SLC39A11: variants seen among roughly 807,000 people sequenced by gnomAD.
The protein encoded by SLC39A11 is zinc transporter ZIP11.
SLC39A11 carries 33 observed loss-of-function variants against 36.1 expected under a neutral mutation model. That is an observed-to-expected ratio of 0.91 (90% CI 0.69 to 1.22). The LOEUF (loss-of-function observed/expected upper bound fraction) is 1.22, where lower values mean the gene tolerates loss of function less well. Ranked by LOEUF, SLC39A11 falls within the 50% of genes most tolerant of loss-of-function variation. The pLI is 0.00. For missense variants in SLC39A11, 432 were observed against 430.3 expected, an observed-to-expected ratio of 1.00 and a Z score of -0.03; for synonymous variants, 166 against 170.3, an observed-to-expected ratio of 0.97 and a Z score of 0.20.
intron 7 of SLC39A11, among the ~76,000 whole-genome samples, chr17:72,723,937 T>G (rs1443718908): frequency 6.6e-6 from 1 of 152,166 alleles, no homozygotes; most frequent in Non-Finnish European, 1.5e-5. Context: ...GGGATTGTAT[T>G]TGTCAGCACA....
At chr17:72,919,230 C>T (rs566768241) in intron 5 of SLC39A11, among the ~76,000 whole-genome samples, 2 of 151,532 alleles carry the variant, frequency 1.3e-5, no homozygotes, top group South Asian at 4.2e-4. Context: ...AAGAGTGTGC[C>T]GAAAGACAGT....
intron 6 of SLC39A11, among the ~76,000 whole-genome samples, chr17:72,845,151 A>T (rs764081881): frequency 1.3e-5 from 2 of 152,208 alleles, no homozygotes; most frequent in Non-Finnish European, 2.9e-5. Flanking sequence ...GTCCCATCTC[A>T]ATTCAGTATC....
At chr17:72,832,690 C>A (rs188899324) in intron 6 of SLC39A11, among the ~76,000 whole-genome samples, 7 of 152,128 alleles carry the variant, frequency 4.6e-5, no homozygotes, top group African/African-American at 1.4e-4. Context: ...TGGTTATTTG[C>A]AGAAAACTAG....
intron 4 of SLC39A11, among the ~76,000 whole-genome samples, chr17:73,004,116 GAGAA>G (rs1372752106): frequency 2.1e-4 from 30 of 140,740 alleles, no homozygotes; most frequent in Non-Finnish European, 2.6e-4. Context: ...GAGAGAGAGA[GAGAA>G]AGAAAGAAAG....
At chr17:72,702,608 A>G (rs2072701809) in intron 7 of SLC39A11, among the ~76,000 whole-genome samples, 1 of 152,110 alleles carries the variant, frequency 6.6e-6, no homozygotes, top group Admixed American at 6.5e-5. Context: ...GGTCCATGGG[A>G]GAGTATGGGA....
In SLC39A11 at chr17:72,757,179, T is replaced by TAAATA. The variant is rs563144269; in HGVS notation, c.602-20465_602-20461dup. ...AAACTCCGTCTCAATAAATAAATAA[T>TAAATA]AAATAAAATAAAATAAAATAAAAAG... On this transcript the variant is annotated intron_variant, in intron 6 of 9. Transcript: ENST00000255559. 6.7e-3 allele frequency among the ~76,000 whole-genome samples: 1,014 copies of TAAATA among 151,214 alleles called. 5 individuals are homozygous for TAAATA. The highest frequency in any genetic ancestry group is 0.019 in the South Asian group (89 of 4,778).
At chr17:72,892,722 T>C (rs1029225052) in intron 5 of SLC39A11, among the ~76,000 whole-genome samples, 5 of 152,152 alleles carry the variant, frequency 3.3e-5, no homozygotes, top group African/African-American at 7.2e-5. Context: ...GCAGAAACAA[T>C]TGGTCCACAA....
intron 3 of SLC39A11, among the ~76,000 whole-genome samples, chr17:73,081,630 C>T (rs200652316): frequency 0.021 from 560 of 26,866 alleles, 1 homozygote; most frequent in African/African-American, 0.043. Context: ...TATATATATA[C>T]ATACACACAC....
intron 7 of SLC39A11, among the ~76,000 whole-genome samples, chr17:72,705,971 G>C (rs986730221): frequency 5.9e-5 from 9 of 152,044 alleles, no homozygotes; most frequent in African/African-American, 2.2e-4. Context: ...TTATTCCAAG[G>C]CCCCCAGAAA....
chr17:72,806,527 GC>G (rs1415835520), intron 6 of SLC39A11, among the ~76,000 whole-genome samples: 3 of 152,120 alleles, frequency 2.0e-5, no homozygotes, highest in Non-Finnish European at 4.4e-5. Flanking sequence ...CACTTAGGGG[GC>G]CTTCCCACTC....
At chr17:72,967,201 C>T (rs1294346527) in intron 4 of SLC39A11, among the ~76,000 whole-genome samples, 1 of 152,108 alleles carries the variant, frequency 6.6e-6, no homozygotes, top group Admixed American at 6.6e-5. Context: ...GTGTAATATG[C>T]TTGAATCATC....
chr17:72,770,665 G>A (rs2075901702), intron 6 of SLC39A11, among the ~76,000 whole-genome samples: 1 of 152,164 alleles, frequency 6.6e-6, no homozygotes. Flanking sequence ...CTTGGAATCT[G>A]CTTCTCAGAG....
At chr17:73,008,040 G>A (rs562341539) in intron 4 of SLC39A11, among the ~76,000 whole-genome samples, 1 of 151,006 alleles carries the variant, frequency 6.6e-6, no homozygotes, top group Non-Finnish European at 1.5e-5. Flanking sequence ...GAGGTAGAAG[G>A]TGCAGCAAGC....
At chr17:73,022,950 A>G (rs967219936) in intron 4 of SLC39A11, among the ~76,000 whole-genome samples, 1 of 152,148 alleles carries the variant, frequency 6.6e-6, no homozygotes, top group Admixed American at 6.5e-5. Flanking sequence ...TTCCTTTGCC[A>G]GTGAACCCTT....
intron 7 of SLC39A11, among the ~76,000 whole-genome samples, chr17:72,652,628 C>A (rs949749392): frequency 6.6e-6 from 1 of 152,164 alleles, no homozygotes; most frequent in Non-Finnish European, 1.5e-5. Context: ...AGAACTCATG[C>A]GTCCTCTTTC....
chr17:72,872,334 C>T (rs2080676077), intron 5 of SLC39A11, among the ~76,000 whole-genome samples: 1 of 152,136 alleles, frequency 6.6e-6, no homozygotes, highest in South Asian at 2.1e-4. Flanking sequence ...TCCCCAGGGG[C>T]GTTGGAAGGT....
At chr17:72,852,019 G>A (rs1027317734) in intron 5 of SLC39A11, among the ~76,000 whole-genome samples, 6 of 151,478 alleles carry the variant, frequency 4.0e-5, no homozygotes, top group South Asian at 2.1e-4. Flanking sequence ...TGGCTAACAC[G>A]GTGAAACCCT....
In SLC39A11 at chr17:72,931,838, CT is replaced by C. The variant is rs558196543; in HGVS notation, c.430+15913del. ...CAGCTTTCATTCTCTGATCTAAGAT[CT>C]TGCTCTACAACTCGGTAGAGGCAAG... On this transcript the variant is annotated intron_variant, in intron 5 of 9. Transcript: ENST00000255559. 9.2e-5 allele frequency among the ~76,000 whole-genome samples: 14 copies of C among 152,290 alleles called. No homozygotes were observed. The South Asian group carries it at 2.9e-3, about 32-fold the overall frequency.
chr17:72,853,011 ATTG>A (rs1344330645), intron 5 of SLC39A11, among the ~76,000 whole-genome samples: 3 of 151,996 alleles, frequency 2.0e-5, no homozygotes, highest in Non-Finnish European at 2.9e-5. Flanking sequence ...CAGACTTTTG[ATTG>A]ATTGATTGAT....
Sources: gnomAD v4.1 joint callset for allele counts (sites outside exome capture counted in the v4.1 genomes callset) on GRCh38, gnomAD v4.1.1 for gene constraint, MANE v1.5 for transcripts, NCBI Gene and HGNC (gene_info 2026-07-23, HGNC 2026-07-21) for gene names.